XDH: variants seen among roughly 807,000 people sequenced by gnomAD.
The protein encoded by XDH is xanthine dehydrogenase/oxidase.
In XDH, 138 loss-of-function variants were observed where a neutral mutation model predicts 156.1. The observed-to-expected ratio is 0.88, with a 90% CI of 0.77 to 1.02. The LOEUF is 1.02. XDH is among the 50% of genes least tolerant of loss of function. XDH has a pLI of 0.00. For synonymous variants in XDH, 669 were observed against 625.7 expected, an observed-to-expected ratio of 1.07 and a Z score of -1.03; for missense variants, 1,849 against 1,684.9, an observed-to-expected ratio of 1.10 and a Z score of -1.71.
At chr2:31,400,371 T>C (rs2749994) in intron 4 of XDH, among the ~76,000 whole-genome samples, 112,155 of 151,358 alleles carry the variant, frequency 0.74, 42,584 homozygotes, top group African/African-American at 0.92. Context: ...CCTGAGTATC[T>C]GGGACTACAG....
intron 24 of XDH, among the ~76,000 whole-genome samples, chr2:31,351,172 C>G (rs1189341999): frequency 6.6e-6 from 1 of 152,204 alleles, no homozygotes; most frequent in Non-Finnish European, 1.5e-5. Context: ...ATCAGATCAA[C>G]AGTCAATTTA....
At chr2:31,350,447 G>A (rs900713241) in intron 24 of XDH, among the ~76,000 whole-genome samples, 1 of 132,468 alleles carries the variant, frequency 7.5e-6, no homozygotes, top group African/African-American at 2.9e-5. Flanking sequence ...AGCGATCTTG[G>A]CTCACTGCAA....
At chr2:31,344,800 T>C in intron 30 of XDH, 64 bp from the exon 31 acceptor site, 3 of 1,576,632 alleles carry the variant, frequency 1.9e-6, no homozygotes, top group Non-Finnish European at 2.6e-6. Flanking sequence ...GACCTGCCAC[T>C]AAGCTTTCAG....
chr2:31,336,272 T>C (rs1684968949), intron 35 of XDH, among the ~76,000 whole-genome samples: 2 of 152,254 alleles, frequency 1.3e-5, no homozygotes, highest in Non-Finnish European at 2.9e-5. Context: ...GTGATCCCTT[T>C]TGAAACTCAC....
intron 18 of XDH, 27 bp from the exon 19 acceptor site, chr2:31,368,687 A>C (rs373657130): frequency 1.2e-6 from 2 of 1,614,232 alleles, no homozygotes; most frequent in Non-Finnish European, 1.7e-6. Flanking sequence ...ACTGTTAAAG[A>C]ACGCAACCAG....
In XDH at chr2:31,347,538, T is replaced by C. The variant is rs370788512; in HGVS notation, c.3260A>G (p.Asn1087Ser). The C allele has an allele frequency of 2.8e-5, 45 of 1,613,988 alleles. No homozygotes were observed. In the East Asian group the frequency reaches 4.0e-4, roughly 14 times the overall value. The part of the protein sequence containing the change: ...PTAASVSADL[N>S]GQAVYAACQT... ...GCTCCTTACATAGACGGCCTGTCCA[T>C]TGAGGTCAGCGCTGACAGAGGCAGC... The change falls in exon 29 of 36, where the codon AAT becomes AGT. Residue 1087 changes from asparagine (N) to serine (S), a missense_variant. Physicochemically the swap from Asn to Ser is conservative, Grantham distance 46. Transcript: ENST00000379416.
intron 34 of XDH, among the ~76,000 whole-genome samples, chr2:31,338,293 G>C (rs45626033): frequency 6.6e-6 from 1 of 152,150 alleles, no homozygotes; most frequent in African/African-American, 2.4e-5. Flanking sequence ...ACATTTTCTA[G>C]CATAGGTTGG....
In XDH at chr2:31,350,174, T is replaced by C. The variant is rs1466308175; in HGVS notation, c.2681A>G (p.Asn894Ser). 6.2e-7 allele frequency: 1 copy of C among 1,614,050 alleles called. No individual in the cohort carries two copies. Among genetic ancestry groups the C allele is most frequent in the African/African-American group, 1.3e-5 (1 of 74,924 alleles). The stretch of plus-strand genomic sequence containing the variant: ...GCACAGCCGCCCAGTGCCCCGGATG[T>C]TGGGGATTTTATAGCAGTTGTCCAT... Reference protein sequence around the residue: ...FHMDNCYKIPNIRGTGRLCKT... With the variant: ...FHMDNCYKIPSIRGTGRLCKT... Residue 894 changes from asparagine to serine, a missense_variant, in exon 25 of 36, where the codon AAC becomes AGC. Physicochemically the swap from Asn to Ser is conservative, Grantham distance 46. Transcript: ENST00000379416.
At chr2:31,384,811 C>T (rs970930059) in intron 9 of XDH, among the ~76,000 whole-genome samples, 1 of 152,150 alleles carries the variant, frequency 6.6e-6, no homozygotes, top group Non-Finnish European at 1.5e-5. Context: ...TGAATATCAG[C>T]TTCCAGGACA....
chr2:31,346,623 C>T (rs1685301576), intron 30 of XDH, 146 bp downstream of exon 30: 1 of 998,850 alleles, frequency 1.0e-6, no homozygotes, highest in East Asian at 2.4e-5. Flanking sequence ...TTTATTCATC[C>T]TGTAAAATCA....
intron 6 of XDH, among the ~76,000 whole-genome samples, chr2:31,395,759 T>C (rs1351080009): frequency 2.6e-5 from 4 of 152,232 alleles, no homozygotes; most frequent in Admixed American, 2.6e-4. Flanking sequence ...TTTTGGACAA[T>C]GAGTTGTCCT....
At chr2:31,387,091 A>C (rs191965299) in intron 8 of XDH, among the ~76,000 whole-genome samples, 1 of 152,160 alleles carries the variant, frequency 6.6e-6, no homozygotes, top group Non-Finnish European at 1.5e-5. Context: ...TAGTGCTTGC[A>C]GGAAGACACT....
At chr2:31,364,707 C>A (rs1384109120) in intron 23 of XDH, among the ~76,000 whole-genome samples, 1 of 152,196 alleles carries the variant, frequency 6.6e-6, no homozygotes, top group Non-Finnish European at 1.5e-5. Flanking sequence ...TTAAAATACC[C>A]TTTACAGGCT....
chr2:31,375,177 C>T (rs1186020182), intron 15 of XDH, among the ~76,000 whole-genome samples: 3 of 151,986 alleles, frequency 2.0e-5, no homozygotes, highest in Non-Finnish European at 4.4e-5. Flanking sequence ...AGGGCAAGAA[C>T]CTCTGTCGCC....
Position 31,366,114 on chromosome 2 carries a change from G to A in XDH, c.2323-5C>T. 1 of 1,614,232 alleles carries A rather than the reference G, an allele frequency of 6.2e-7. No individual in the cohort carries two copies. The highest frequency in any genetic ancestry group is 1.1e-5 in the South Asian group (1 of 91,088). ...CAACATTTTTGCAACAAAGCTCTGT[G>A]AGTGAAAGACAGAACATTCGCACTG... On this transcript the variant is annotated splice_polypyrimidine_tract_variant and splice_region_variant and intron_variant, in intron 21 of 35. Transcript: ENST00000379416.
rs1686271354 is a variant in XDH at position 31,377,307 on chromosome 2, C to T, written c.1243-70G>A. ...GGGGCTGCAAATGGCAGACCCAAAC[C>T]ACAGGGCTATGAGGTGAGGTGAGGG... On this transcript the variant is annotated intron_variant, in intron 13 of 35. Transcript: ENST00000379416. 4 of 1,576,984 alleles carry T rather than the reference C, an allele frequency of 2.5e-6. No individual in the cohort carries two copies. In the Admixed American group the frequency reaches 6.7e-5, roughly 26 times the overall value.
chr2:31,414,648 C>A lies in XDH; in HGVS notation c.19G>T (p.Val7Phe). Residue 7 changes from valine to phenylalanine, a missense_variant, in exon 1 of 36, where the codon GTT becomes TTT. Val to Phe is a conservative substitution (Grantham distance 50). Transcript: ENST00000379416. MTADKLVFFVNGRKVVE... is the reference protein window; with the variant it reads MTADKLFFFVNGRKVVE... ...ACCTTTCTGCCATTCACAAAGAAAACCAATTTGTCTGCTGTCATTGTCACA... is the reference window on the plus strand; with the variant it reads ...ACCTTTCTGCCATTCACAAAGAAAAACAATTTGTCTGCTGTCATTGTCACA... 1 of 1,614,050 alleles carries A rather than the reference C, an allele frequency of 6.2e-7. No homozygotes were observed. The highest frequency in any genetic ancestry group is 8.5e-7 in the Non-Finnish European group (1 of 1,179,994).
chr2:31,365,487 A>G lies in XDH; in HGVS notation c.2514T>C (p.Gly838=), dbSNP rs201786572. Residue 838 remains glycine (G), a synonymous_variant, in exon 23 of 36, where the codon GGT becomes GGC. Coordinates refer to ENST00000379416, the MANE Select transcript of XDH (RefSeq NM_000379.4). ...LDRDEDMLIT[G]GRHPFLARYK... ...ATCTGGCCAGGAAGGGATGTCTGCC[A>G]CCAGTTATCAGCATGTCCTCATCAC... is the stretch of plus-strand genomic sequence containing the variant. 1 of 1,614,168 alleles carries G rather than the reference A, an allele frequency of 6.2e-7. No individual in the cohort carries two copies. The highest frequency in any genetic ancestry group is 2.2e-5 in the East Asian group (1 of 44,868).
intron 18 of XDH, 90 bp downstream of exon 18, chr2:31,370,262 AACC>A: frequency 6.9e-7 from 1 of 1,449,948 alleles, no homozygotes; most frequent in Non-Finnish European, 9.6e-7. Context: ...GCAAATGTAT[AACC>A]TTTCCAGATC....
Sources: gnomAD v4.1 joint callset for allele counts (sites outside exome capture counted in the v4.1 genomes callset) on GRCh38, gnomAD v4.1.1 for gene constraint, MANE v1.5 for transcripts, NCBI Gene and HGNC (gene_info 2026-07-23, HGNC 2026-07-21) for gene names.